Variants in FOCAD observed in about 807,000 individuals in gnomAD.
FOCAD encodes the protein KIAA1797.
A neutral mutation model predicts 225.6 loss-of-function variants in FOCAD; 198 were observed. The ratio of observed to expected loss-of-function variants is 0.88; its 90% CI spans 0.78 to 0.99. FOCAD has a LOEUF of 0.99. Ranked by LOEUF, FOCAD falls within the 50% of genes least tolerant of loss-of-function variation. The pLI is 0.00. For synonymous variants in FOCAD, 897 were observed against 755.0 expected, an observed-to-expected ratio of 1.19 and a Z score of -3.08; for missense variants, 2,713 against 2,123.6, an observed-to-expected ratio of 1.28 and a Z score of -5.46.
chr9:20,670,161 C>T (rs764476063), intron 2 of FOCAD, among the ~76,000 whole-genome samples: 13 of 152,024 alleles, frequency 8.6e-5, no homozygotes, highest in Non-Finnish European at 5.9e-5. Context: ...TATTAGGGGC[C>T]CAAGGCCTGG....
chr9:20,713,989 C>T (rs937215163), intron 1 of FOCAD, among the ~76,000 whole-genome samples: 2 of 152,074 alleles, frequency 1.3e-5, no homozygotes, highest in Admixed American at 6.6e-5. Context: ...ATGTCAAATT[C>T]GGGGAGGAAA....
At chr9:20,765,155 A>T (rs143239374) in intron 7 of FOCAD, 82 bp downstream of exon 7, 1 of 1,290,176 alleles carries the variant, frequency 7.8e-7, no homozygotes, top group Non-Finnish European at 1.1e-6. Context: ...GTTCTAGAAC[A>T]TAAGTGATTT....
chr9:20,800,997 T>C (rs1821757955), intron 11 of FOCAD, among the ~76,000 whole-genome samples: 1 of 152,162 alleles, frequency 6.6e-6, no homozygotes. Flanking sequence ...GTTAGGTCTT[T>C]GATGATGGTG....
chr9:20,712,466 C>A (rs1409936777), intron 1 of FOCAD, among the ~76,000 whole-genome samples: 2 of 151,962 alleles, frequency 1.3e-5, no homozygotes, highest in Non-Finnish European at 2.9e-5. Flanking sequence ...TCGAGACTAG[C>A]CTGGCCAACA....
chr9:20,685,408 T>A (rs1043830386), intron 1 of FOCAD, among the ~76,000 whole-genome samples: 2 of 152,188 alleles, frequency 1.3e-5, no homozygotes, highest in African/African-American at 4.8e-5. Flanking sequence ...GTAACTATTT[T>A]AAAAACACAG....
chr9:20,929,579 G>C lies in FOCAD; in HGVS notation c.3300G>C (p.Leu1100Phe). 6.2e-7 allele frequency: 1 copy of C among 1,613,458 alleles called. No homozygotes were observed. Among genetic ancestry groups the C allele is most frequent in the South Asian group, 1.1e-5 (1 of 91,018 alleles). ...CTTTAGGGATGTTTCTCTCTCGCTT[G>C]TGTGAAGAGAAACTCAGGTACAGTT... Reference protein sequence around the residue: ...GLALGMFLSRLCEEKLSDISG... With the variant: ...GLALGMFLSRFCEEKLSDISG... Residue 1100 changes from leucine (L) to phenylalanine (F), a missense_variant, in exon 27 of 44, where the codon TTG (leucine) becomes TTC (phenylalanine). Leu to Phe is a conservative substitution (Grantham distance 22). Coordinates refer to ENST00000338382, the MANE Select transcript of FOCAD (RefSeq NM_001375567.1).
chr9:20,757,004 A>T (rs983944890), intron 5 of FOCAD, among the ~76,000 whole-genome samples: 1 of 152,166 alleles, frequency 6.6e-6, no homozygotes, highest in African/African-American at 2.4e-5. Context: ...ATATCAGTTC[A>T]CCGCAACCTC....
Position 20,971,248 on chromosome 9 carries a change from GC to G in FOCAD, c.4133-5168del, listed in dbSNP as rs199644468. 2.4e-3 allele frequency among the ~76,000 whole-genome samples: 361 copies of G among 152,126 alleles called. 7 individuals carry two copies. In the East Asian group the frequency reaches 0.043, roughly 18 times the overall value. On this transcript the variant is annotated intron_variant, in intron 35 of 43. Transcript: ENST00000338382. ...TATCAAAATATCTCATGTGCCCCAT[GC>G]CCCATAAATATACACACCTACTCTG...
In FOCAD at chr9:20,715,395, T is replaced by C. The variant is rs1425393682; in HGVS notation, c.42T>C (p.Ser14=). The C allele has an allele frequency of 3.3e-6, 5 of 1,517,854 alleles. No individual in the cohort carries two copies. The South Asian group carries it at 4.2e-5, about 13-fold the overall frequency. The allele number at this position is 1,517,854 out of a possible 1,614,324, so 94.0% of individuals were successfully genotyped here. A position where few individuals can be genotyped will look rare whatever the true frequency, so the allele number is the denominator to read the frequency against. Residue 14 remains serine, a synonymous_variant, in exon 2 of 44, where the codon TCT becomes TCC. Coordinates refer to ENST00000338382, the MANE Select transcript of FOCAD (RefSeq NM_001375567.1). ...DIRKRFEFPN[S]LIQSQAVGHL... Reference sequence around the variant, plus strand: ...GGAAAAGGTTTGAATTTCCAAATTCTCTTATCCAATCACAGGTAATTTTGT... The same window carrying C: ...GGAAAAGGTTTGAATTTCCAAATTCCCTTATCCAATCACAGGTAATTTTGT...
intron 18 of FOCAD, among the ~76,000 whole-genome samples, chr9:20,870,605 A>AC (rs1829674498): frequency 6.6e-6 from 1 of 152,196 alleles, no homozygotes; most frequent in African/African-American, 2.4e-5. Flanking sequence ...TATGTGGTAA[A>AC]CCACTCTCTT....
intron 7 of FOCAD, among the ~76,000 whole-genome samples, chr9:20,768,264 C>G (rs1386626065): frequency 1.1e-4 from 16 of 150,572 alleles, no homozygotes; most frequent in Non-Finnish European, 1.8e-4. Flanking sequence ...TAGTGTGATG[C>G]CTCCAGCTTT....
chr9:20,899,826 C>G (rs532798643), intron 21 of FOCAD, among the ~76,000 whole-genome samples: 1 of 151,580 alleles, frequency 6.6e-6, no homozygotes, highest in Non-Finnish European at 1.5e-5. Flanking sequence ...AAATTCTCCC[C>G]TGTTACTTTT....
chr9:20,916,800 A>G, intron 23 of FOCAD, 93 bp from the exon 24 acceptor site: 1 of 1,132,664 alleles, frequency 8.8e-7, no homozygotes, highest in Non-Finnish European at 1.3e-6. Flanking sequence ...ATCTGGAGCC[A>G]TTGCTGGAGG....
At chr9:20,809,684 T>G (rs1822845116) in intron 11 of FOCAD, among the ~76,000 whole-genome samples, 1 of 152,192 alleles carries the variant, frequency 6.6e-6, no homozygotes, top group African/African-American at 2.4e-5. Context: ...TGAGTTCAAG[T>G]TATTCAGTTA....
intron 4 of FOCAD, among the ~76,000 whole-genome samples, chr9:20,732,733 G>A (rs1306114281): frequency 6.6e-6 from 1 of 152,178 alleles, no homozygotes; most frequent in Non-Finnish European, 1.5e-5. Flanking sequence ...CTGTAGTCGA[G>A]TGAGAGGTGA....
chr9:20,732,679 G>A (rs1363383650), intron 4 of FOCAD, among the ~76,000 whole-genome samples: 2 of 152,106 alleles, frequency 1.3e-5, no homozygotes, highest in South Asian at 4.2e-4. Flanking sequence ...ATTGGGTTTG[G>A]GGTAGGCACC....
At chr9:20,820,728 ACTTT>A (rs1824232832) in intron 13 of FOCAD, among the ~76,000 whole-genome samples, 1 of 152,124 alleles carries the variant, frequency 6.6e-6, no homozygotes, top group Non-Finnish European at 1.5e-5. Flanking sequence ...AGATTTAGCC[ACTTT>A]CTTCTTGTTT....
intron 35 of FOCAD, among the ~76,000 whole-genome samples, chr9:20,957,876 C>T (rs974435375): frequency 5.9e-5 from 9 of 151,782 alleles, no homozygotes. Context: ...GATAAATTCT[C>T]AGTAATGTAG....
chr9:20,904,260 T>C lies in FOCAD; in HGVS notation c.2626-2890T>C, dbSNP rs749233138. ...GTTTGAATACCTGTTTTCAGTTCTT[T>C]TGGGTATATACCTAGGTGTGGAATT... On this transcript the variant is annotated intron_variant, in intron 21 of 43. Transcript: ENST00000338382. Among the ~76,000 whole-genome samples the C allele has an allele frequency of 2.0e-4, 30 of 152,020 alleles. 1 individual carries two copies. The highest frequency in any genetic ancestry group is 4.4e-4 in the Non-Finnish European group (30 of 67,948).
Sources: gnomAD v4.1 joint callset for allele counts (sites outside exome capture counted in the v4.1 genomes callset) on GRCh38, gnomAD v4.1.1 for gene constraint, MANE v1.5 for transcripts, NCBI Gene and HGNC (gene_info 2026-07-23, HGNC 2026-07-21) for gene names.